CMPK2: variants seen among roughly 807,000 people sequenced by gnomAD.
The protein encoded by CMPK2 is cytidine/uridine monophosphate kinase 2.
Under a neutral mutation model 33.4 loss-of-function variants are expected in CMPK2, and 32 were observed. That is an observed-to-expected ratio of 0.96 (90% confidence interval 0.72 to 1.29). The LOEUF (loss-of-function observed/expected upper bound fraction) is 1.29, where lower values mean the gene tolerates loss of function less well. CMPK2 is among the 50% of genes most tolerant of loss of function. The pLI is 0.00. For synonymous variants in CMPK2, 299 were observed against 275.3 expected, an observed-to-expected ratio of 1.09 and a Z score of -0.85; for missense variants, 672 against 616.0, an observed-to-expected ratio of 1.09 and a Z score of -0.96.
chr2:6,847,443 G>A (rs1175880721), downstream of CMPK2, among the ~76,000 whole-genome samples: 1 of 152,216 alleles, frequency 6.6e-6, no homozygotes, highest in African/African-American at 2.4e-5. Flanking sequence ...AGAGGTTTGT[G>A]CAAGCTTTTA....
rs980450787 is a variant in CMPK2, at chr2:6,850,058, T to C, written c.1227-85A>G. The stretch of plus-strand genomic sequence containing the variant: ...TGTTCTTTTCCTACCATAGTATAAA[T>C]AGCTTGAAGCAAGCTTCCCATGTCA... On this transcript the variant is annotated intron_variant, in intron 4 of 4. Transcript: ENST00000256722. The C allele has an allele frequency of 7.6e-6, 8 of 1,047,030 alleles. No homozygotes were observed. The African/African-American group carries it at 9.5e-5, about 12-fold the overall frequency. The allele number at this position is 1,047,030 out of a possible 1,614,324, so 64.9% of individuals were successfully genotyped here.
At chr2:6,843,597 T>C (rs1662282351), downstream of CMPK2, among the ~76,000 whole-genome samples, 1 of 152,150 alleles carries the variant, frequency 6.6e-6, no homozygotes, top group Non-Finnish European at 1.5e-5. Context: ...TCTGGGCTAA[T>C]ATTGATTTCT....
chr2:6,844,717 C>T (rs1272538248), downstream of CMPK2, among the ~76,000 whole-genome samples: 1 of 152,154 alleles, frequency 6.6e-6, no homozygotes, highest in Admixed American at 6.5e-5. Flanking sequence ...ATCTTCCAGA[C>T]TTTTAGACTG....
At position 6,851,472 on chromosome 2, in the gene CMPK2, C is replaced by T; in HGVS notation, c.1204G>A (p.Ala402Thr). Residue 402 changes from alanine to threonine, a missense_variant, in exon 4 of 5, where the codon GCC becomes ACC. By Grantham distance (58) the Ala-to-Thr change is moderately conservative (BLOSUM62 0). Transcript: ENST00000256722. ...TACTTTTGACGAAACACACTGTTGG[C>T]CTCAAGTTCTGCTTCTTCCCTGGTC... Reference protein sequence around the residue: ...EKTREEAELEANSVFRQKVEM... With the variant: ...EKTREEAELETNSVFRQKVEM... 3 of 1,614,242 alleles carry T rather than the reference C, an allele frequency of 1.9e-6. No individual in the cohort carries two copies. Among genetic ancestry groups the T allele is most frequent in the South Asian group, 1.1e-5 (1 of 91,084 alleles).
At chr2:6,855,234 C>G (rs879581254) in intron 3 of CMPK2, among the ~76,000 whole-genome samples, 2 of 151,844 alleles carry the variant, frequency 1.3e-5, no homozygotes, top group East Asian at 2.0e-4. Flanking sequence ...GCAGACACCC[C>G]CCTTGCTGTT....
chr2:6,844,995 C>T (rs950081591), downstream of CMPK2, among the ~76,000 whole-genome samples: 3 of 152,086 alleles, frequency 2.0e-5, no homozygotes, highest in African/African-American at 7.2e-5. Flanking sequence ...GAGGATTCCC[C>T]AAAGGGTTTG....
At position 6,865,557 on chromosome 2, in the gene CMPK2, AG is replaced by A; in HGVS notation, c.139del (p.Leu47Ter). The A allele has an allele frequency of 7.5e-7, 1 of 1,334,934 alleles. No individual in the cohort carries two copies. 82.7% of individuals were successfully genotyped at this position (1,334,934 alleles called of 1,614,324 possible). A position where few individuals can be genotyped will look rare whatever the true frequency, so the allele number is the denominator to read the frequency against. The stretch of plus-strand genomic sequence containing the variant: ...TGCGTCGCCGGGGGCGTCGGCGCCT[AG>A]GGCGAAGTGAGCCAGGGTGCAGTCG... ...LPDCTLAHFA[L>X]GADAPGDADA... On this transcript the variant is annotated frameshift_variant, in exon 1 of 5. Transcript: ENST00000256722. LOFTEE classifies it high-confidence loss of function.
chr2:6,844,313 C>T (rs1354203924), downstream of CMPK2, among the ~76,000 whole-genome samples: 8 of 152,146 alleles, frequency 5.3e-5, no homozygotes, highest in African/African-American at 1.7e-4. Flanking sequence ...ACTATCTGGA[C>T]CTATGGCCAG....
Position 6,865,261 on chromosome 2 carries a change from G to A in CMPK2, c.436C>T (p.Leu146=). Reference sequence around the variant, plus strand: ...TGACAGGCGCCCAGCAGCTCGAGCAGCGCTTGCCGGGTGTCAGGGTCATCC... The same window carrying A: ...TGACAGGCGCCCAGCAGCTCGAGCAACGCTTGCCGGGTGTCAGGGTCATCC... The part of the protein sequence containing the change: ...PLDDPDTRQA[L]LELLGACQEA... Residue 146 remains leucine, a synonymous_variant, in exon 1 of 5, where the codon CTG becomes TTG. Coordinates refer to ENST00000256722, the MANE Select transcript of CMPK2 (RefSeq NM_207315.4). 4 of 1,537,744 alleles carry A rather than the reference G, an allele frequency of 2.6e-6. No homozygotes were observed. Among genetic ancestry groups the A allele is most frequent in the Non-Finnish European group, 3.5e-6 (4 of 1,150,140 alleles).
chr2:6,863,825 T>C (rs180683514), intron 1 of CMPK2, among the ~76,000 whole-genome samples: 8 of 152,368 alleles, frequency 5.3e-5, no homozygotes, highest in African/African-American at 1.9e-4. Flanking sequence ...CAGCCTTCAC[T>C]GAGCAGCTTT....
At chr2:6,856,417 G>A (rs1336870650) in intron 3 of CMPK2, among the ~76,000 whole-genome samples, 2 of 152,188 alleles carry the variant, frequency 1.3e-5, no homozygotes, top group African/African-American at 2.4e-5. Context: ...CAGAACAGGG[G>A]TGTAGGGGCT....
chr2:6,850,284 G>A (rs1458368189), intron 4 of CMPK2, among the ~76,000 whole-genome samples: 1 of 152,202 alleles, frequency 6.6e-6, no homozygotes, highest in African/African-American at 2.4e-5. Context: ...CTGTTTTGCA[G>A]AGAAGGCAAC....
At position 6,861,381 on chromosome 2, in the gene CMPK2, T is replaced by C; in HGVS notation, c.795A>G (p.Lys265=). 3 of 1,613,856 alleles carry C rather than the reference T, an allele frequency of 1.9e-6. No individual in the cohort carries two copies. Among genetic ancestry groups the C allele is most frequent in the Non-Finnish European group, 2.5e-6 (3 of 1,179,806 alleles). The change falls in exon 3 of 5, where the codon AAA becomes AAG. Residue 265 remains lysine (K), a synonymous_variant. Coordinates refer to ENST00000256722, the MANE Select transcript of CMPK2 (RefSeq NM_207315.4). Reference sequence around the variant, plus strand: ...CTGCCACTGACTGGGTCACCGTGGTTTTACCTGCAGGTCATACACAAAATA... The same window carrying C: ...CTGCCACTGACTGGGTCACCGTGGTCTTACCTGCAGGTCATACACAAAATA... ...VAIEGLDATG[K]TTVTQSVADS...
At chr2:6,844,040 T>A (rs1662295728), downstream of CMPK2, among the ~76,000 whole-genome samples, 1 of 152,186 alleles carries the variant, frequency 6.6e-6, no homozygotes, top group Non-Finnish European at 1.5e-5. Flanking sequence ...CAGGGACAGT[T>A]TGACTTCCAG....
At chr2:6,840,639 G>T (rs374424974) in exon 4 of CMPK2, 14 of 702,210 alleles carry the variant, frequency 2.0e-5, no homozygotes, top group East Asian at 1.9e-4. Context: ...TGCCGAGCAG[G>T]TGGAGAGAAG....
intron 2 of CMPK2, among the ~76,000 whole-genome samples, chr2:6,862,415 C>A (rs1198461595): frequency 6.6e-6 from 1 of 152,210 alleles, no homozygotes; most frequent in Non-Finnish European, 1.5e-5. Flanking sequence ...GAACCACTAG[C>A]CTGTGTTCTT....
Position 6,859,923 on chromosome 2 carries a change from A to G in CMPK2, c.992+1261T>C, listed in dbSNP as rs374341579. ...AGCTGCAGACAACACCAGCCTGTGA[A>G]AGCAGCAAGGAGGGGGGCTATACCC... On this transcript the variant is annotated intron_variant, in intron 3 of 4. Coordinates refer to ENST00000256722, the MANE Select transcript of CMPK2 (RefSeq NM_207315.4). Among the ~76,000 whole-genome samples the G allele has an allele frequency of 4.6e-5, 7 of 152,206 alleles. No individual in the cohort carries two copies. In the East Asian group the frequency reaches 5.8e-4, roughly 13 times the overall value.
At position 6,865,620 on chromosome 2, in the gene CMPK2, G is replaced by T; in HGVS notation, c.77C>A (p.Ala26Asp). ...LLGRRGVCAG[A>D]MAPPRRFVLE... ...GACGAAGCGGCGCGGCGGAGCCATGGCCCCAGCGCAGACCCCGCGCCGCCC... is the reference window on the plus strand; with the variant it reads ...GACGAAGCGGCGCGGCGGAGCCATGTCCCCAGCGCAGACCCCGCGCCGCCC... Residue 26 changes from alanine (A) to aspartate (D), a missense_variant, in exon 1 of 5, where the codon GCC (alanine) becomes GAC (aspartate). By Grantham distance (126) the Ala-to-Asp change is moderately radical. Coordinates refer to ENST00000256722, the MANE Select transcript of CMPK2 (RefSeq NM_207315.4). 2 of 1,376,310 alleles carry T rather than the reference G, an allele frequency of 1.5e-6. No homozygotes were observed. The highest frequency in any genetic ancestry group is 1.9e-6 in the Non-Finnish European group (2 of 1,065,746). 85.3% of individuals were successfully genotyped at this position (1,376,310 alleles called of 1,614,324 possible).
At chr2:6,843,640 C>T (rs547597680), downstream of CMPK2, among the ~76,000 whole-genome samples, 15 of 152,026 alleles carry the variant, frequency 9.9e-5, no homozygotes, top group Admixed American at 2.6e-4. Flanking sequence ...GTCCTGGAAC[C>T]GTAAGGATGG....
Sources: allele counts gnomAD v4.1 joint callset (sites outside exome capture counted in the v4.1 genomes callset), GRCh38; gene constraint gnomAD v4.1.1; transcripts MANE v1.5; gene names NCBI Gene and HGNC (gene_info 2026-07-23, HGNC 2026-07-21).